DENND1A: variants seen among roughly 807,000 people sequenced by gnomAD.
DENND1A encodes the protein DENN domain-containing protein 1A.
DENND1A carries 51 observed loss-of-function variants against 113.7 expected under a neutral mutation model. The ratio of observed to expected loss-of-function variants is 0.45; its 90% CI spans 0.36 to 0.57. The LOEUF (loss-of-function observed/expected upper bound fraction) is 0.57, where lower values mean the gene tolerates loss of function less well. DENND1A is among the 20% of genes least tolerant of loss of function. The probability of loss-of-function intolerance (pLI) is 0.00; values close to 1 mark genes in which losing one functional copy is unlikely to be tolerated. For synonymous variants in DENND1A, 565 were observed against 570.8 expected, an observed-to-expected ratio of 0.99 and a Z score of 0.14; for missense variants, 1,258 against 1,395.9, an observed-to-expected ratio of 0.90 and a Z score of 1.57.
intron 12 of DENND1A, among the ~76,000 whole-genome samples, chr9:123,573,504 A>C (rs964062638): frequency 6.6e-6 from 1 of 152,078 alleles, no homozygotes; most frequent in South Asian, 2.1e-4. Context: ...TCAGGATACA[A>C]ATTTTCAACA....
At chr9:123,523,849 ATAAG>A (rs1224075973) in intron 13 of DENND1A, among the ~76,000 whole-genome samples, 1 of 152,228 alleles carries the variant, frequency 6.6e-6, no homozygotes, top group African/African-American at 2.4e-5. Flanking sequence ...ATTATAGTTG[ATAAG>A]CATGAAAACT....
chr9:123,858,884 A>G (rs1261491062), intron 2 of DENND1A, among the ~76,000 whole-genome samples: 3 of 152,218 alleles, frequency 2.0e-5, no homozygotes, highest in Non-Finnish European at 2.9e-5. Context: ...TGTAAGGACA[A>G]AGGGAAAATA....
At chr9:123,801,711 T>C (rs144153316) in intron 2 of DENND1A, among the ~76,000 whole-genome samples, 1 of 152,362 alleles carries the variant, frequency 6.6e-6, no homozygotes, top group East Asian at 1.9e-4. Flanking sequence ...TTTTAATGTT[T>C]TAAGAACTTT....
At chr9:123,916,151 A>C (rs1318343877) in intron 1 of DENND1A, among the ~76,000 whole-genome samples, 1 of 152,152 alleles carries the variant, frequency 6.6e-6, no homozygotes, top group African/African-American at 2.4e-5. Context: ...TCAGTATGAG[A>C]TGGGTTGAAT....
chr9:123,585,135 A>G (rs1419322904), intron 11 of DENND1A, among the ~76,000 whole-genome samples: 1 of 152,170 alleles, frequency 6.6e-6, no homozygotes, highest in Non-Finnish European at 1.5e-5. Context: ...TTTCCACTTA[A>G]CACCATCAGA....
chr9:123,802,739 G>C (rs1346969754), intron 2 of DENND1A, among the ~76,000 whole-genome samples: 1 of 146,048 alleles, frequency 6.8e-6, no homozygotes, highest in Non-Finnish European at 1.5e-5. Flanking sequence ...TTTCACGCTT[G>C]TTGCCCAGGC....
chr9:123,778,010 G>T (rs1830707754), intron 3 of DENND1A, among the ~76,000 whole-genome samples: 1 of 152,128 alleles, frequency 6.6e-6, no homozygotes. Flanking sequence ...AAAAAATTAT[G>T]CTCAGAACAG....
chr9:123,643,229 G>A (rs2062123482), intron 9 of DENND1A, among the ~76,000 whole-genome samples: 1 of 152,180 alleles, frequency 6.6e-6, no homozygotes, highest in Non-Finnish European at 1.5e-5. Context: ...ACGCAGTTAG[G>A]AAGAAACTGA....
intron 13 of DENND1A, among the ~76,000 whole-genome samples, chr9:123,529,215 G>A (rs1028518815): frequency 3.3e-5 from 5 of 152,034 alleles, no homozygotes; most frequent in Non-Finnish European, 5.9e-5. Flanking sequence ...GTGGTATGAG[G>A]ACCTAAAAAA....
chr9:123,450,177 G>A (rs2047609314), intron 18 of DENND1A, among the ~76,000 whole-genome samples: 1 of 151,998 alleles, frequency 6.6e-6, no homozygotes, highest in South Asian at 2.1e-4. Flanking sequence ...TCTCAACAGC[G>A]CCCACTGGGT....
intron 13 of DENND1A, among the ~76,000 whole-genome samples, chr9:123,524,287 T>C (rs1393460446): frequency 1.3e-5 from 2 of 152,246 alleles, no homozygotes; most frequent in African/African-American, 2.4e-5. Flanking sequence ...CGAATCATGC[T>C]GTCAACAATA....
intron 13 of DENND1A, among the ~76,000 whole-genome samples, chr9:123,517,581 T>C (rs2054046270): frequency 6.6e-6 from 1 of 151,990 alleles, no homozygotes; most frequent in Admixed American, 6.6e-5. Flanking sequence ...ACCGTACCAC[T>C]GCACTCCAGC....
intron 2 of DENND1A, chr9:123,843,053 C>A (rs553961964): frequency 2.2e-4 from 112 of 508,428 alleles, no homozygotes; most frequent in African/African-American, 2.0e-3. Context: ...ATACTGACAT[C>A]AAAAAACTAC....
intron 8 of DENND1A, among the ~76,000 whole-genome samples, chr9:123,665,947 C>G (rs1242785846): frequency 6.6e-6 from 1 of 152,120 alleles, no homozygotes; most frequent in Non-Finnish European, 1.5e-5. Flanking sequence ...TGAAATAACT[C>G]AGAACAAAAG....
chr9:123,429,329 G>C (rs1372677419), intron 19 of DENND1A, among the ~76,000 whole-genome samples: 1 of 152,208 alleles, frequency 6.6e-6, no homozygotes, highest in African/African-American at 2.4e-5. Context: ...GCCGGGGAGG[G>C]TGGACCAGTT....
intron 1 of DENND1A, among the ~76,000 whole-genome samples, chr9:123,926,987 G>A (rs1313725156): frequency 6.6e-6 from 1 of 152,116 alleles, no homozygotes; most frequent in Non-Finnish European, 1.5e-5. Context: ...GTGGCAACAG[G>A]AAACTGGCAT....
chr9:123,624,106 A>G (rs1243828986), intron 10 of DENND1A, among the ~76,000 whole-genome samples: 1 of 152,194 alleles, frequency 6.6e-6, no homozygotes, highest in Non-Finnish European at 1.5e-5. Flanking sequence ...GCAGTGAGTA[A>G]ATTGAGAGTT....
At chr9:123,517,346 C>G (rs971266214) in intron 13 of DENND1A, among the ~76,000 whole-genome samples, 25 of 151,928 alleles carry the variant, frequency 1.6e-4, no homozygotes, top group Admixed American at 1.5e-3. Flanking sequence ...GAGGGCCGGG[C>G]ATGGTGGCTC....
At chr9:123,696,189 A>T (rs1402359221) in intron 5 of DENND1A, among the ~76,000 whole-genome samples, 1 of 152,150 alleles carries the variant, frequency 6.6e-6, no homozygotes, top group African/African-American at 2.4e-5. Flanking sequence ...GATTTTGTAT[A>T]AAAAAATACA....
Sources: gnomAD v4.1 joint callset for allele counts (sites outside exome capture counted in the v4.1 genomes callset) on GRCh38, gnomAD v4.1.1 for gene constraint, MANE v1.5 for transcripts, NCBI Gene and HGNC (gene_info 2026-07-23, HGNC 2026-07-21) for gene names.